The following PTPN20 variants were observed in gnomAD, a reference collection of about 807,000 sequenced individuals.
PTPN20 encodes the protein protein tyrosine phosphatase non-receptor type 20.
A neutral mutation model predicts 35.0 loss-of-function variants in PTPN20; 9 were observed. The ratio of observed to expected loss-of-function variants is 0.26; its 90% CI spans 0.15 to 0.45. The LOEUF (loss-of-function observed/expected upper bound fraction) is 0.45, where lower values mean the gene tolerates loss of function less well. Ranked by LOEUF, PTPN20 falls within the 20% of genes least tolerant of loss-of-function variation. The probability of loss-of-function intolerance (pLI) is 1.00; values close to 1 mark genes in which losing one functional copy is unlikely to be tolerated. For synonymous variants in PTPN20, 32 were observed against 100.2 expected, an observed-to-expected ratio of 0.32 and a Z score of 4.06; for missense variants, 111 against 312.5, an observed-to-expected ratio of 0.36 and a Z score of 4.86.
At position 46,946,643 on chromosome 10, in the gene PTPN20, G is replaced by T; in HGVS notation, c.308G>T (p.Gly103Val). 1 of 1,611,242 alleles carries T rather than the reference G, an allele frequency of 6.2e-7. No homozygotes were observed. The highest frequency in any genetic ancestry group is 8.5e-7 in the Non-Finnish European group (1 of 1,179,560). ...AGCAGTGAGGATGAGGAGGCTGCAG[G>T]GCCATCACAGGCTCTCTCCCCTCTA... is the stretch of plus-strand genomic sequence containing the variant. ...RWSSEDEEAA[G>V]PSQALSPLLS... Residue 103 changes from glycine to valine, a missense_variant, in exon 5 of 11, where the codon GGG (glycine) becomes GTG (valine). Transcript: ENST00000374339.
At chr10:46,982,778 CTTA>C (rs1458871664) in intron 7 of PTPN20, among the ~76,000 whole-genome samples, 2 of 151,604 alleles carry the variant, frequency 1.3e-5, no homozygotes, top group Non-Finnish European at 2.9e-5. Flanking sequence ...ACTTGCCAGG[CTTA>C]TTATTATTAT....
chr10:46,966,385 T>C (rs1316218236), intron 6 of PTPN20, among the ~76,000 whole-genome samples: 1 of 152,232 alleles, frequency 6.6e-6, no homozygotes, highest in African/African-American at 2.4e-5. Flanking sequence ...CAATCTTTGC[T>C]TTTGGGGCTT....
intron 7 of PTPN20, among the ~76,000 whole-genome samples, chr10:46,970,847 G>A (rs2051932297): frequency 1.1e-5 from 1 of 87,034 alleles, no homozygotes; most frequent in African/African-American, 8.9e-5. Flanking sequence ...AGACTTGGAA[G>A]TTAGCCTAGA....
chr10:46,947,232 A>G (rs1775132561), intron 5 of PTPN20, among the ~76,000 whole-genome samples: 1 of 132,138 alleles, frequency 7.6e-6, no homozygotes. Flanking sequence ...ATATATATAT[A>G]TATTTATAAA....
chr10:46,936,088 A>G (rs1334660872), intron 2 of PTPN20, among the ~76,000 whole-genome samples: 1 of 152,144 alleles, frequency 6.6e-6, no homozygotes, highest in Non-Finnish European at 1.5e-5. Flanking sequence ...CTTCTTGGCT[A>G]TGTGTATGTC....
chr10:46,992,131 T>C (rs919600169), intron 9 of PTPN20, among the ~76,000 whole-genome samples: 1 of 151,164 alleles, frequency 6.6e-6, no homozygotes, highest in African/African-American at 2.4e-5. Context: ...ATTTTTTTTT[T>C]TTTTTTTTTG....
At chr10:47,003,432 T>A (rs2060136093), downstream of PTPN20, among the ~76,000 whole-genome samples, 2 of 152,086 alleles carry the variant, frequency 1.3e-5, no homozygotes, top group South Asian at 4.1e-4. Flanking sequence ...AAGAAAATGA[T>A]CTTTTGTTCA....
chr10:46,940,930 G>C (rs1252112580), intron 3 of PTPN20, among the ~76,000 whole-genome samples: 10 of 151,942 alleles, frequency 6.6e-5, no homozygotes, highest in Admixed American at 4.6e-4. Flanking sequence ...TGCTACTCTG[G>C]AAATTTTACA....
chr10:46,960,470 TA>T (rs1379246582), intron 5 of PTPN20, among the ~76,000 whole-genome samples: 3,102 of 146,580 alleles, frequency 0.021, 35 homozygotes, highest in African/African-American at 0.032. Context: ...TTTCTTACAA[TA>T]TTTTTTTTAC....
intron 2 of PTPN20, 43 bp from the exon 3 acceptor site, chr10:46,940,580 A>G: frequency 1.2e-5 from 18 of 1,534,422 alleles, no homozygotes; most frequent in Non-Finnish European, 1.2e-5. Flanking sequence ...CCTTCTGTAT[A>G]GTGTTTTCTA....
intron 9 of PTPN20, among the ~76,000 whole-genome samples, chr10:46,994,158 G>C (rs1207192051): frequency 6.6e-6 from 1 of 151,678 alleles, no homozygotes; most frequent in African/African-American, 2.4e-5. Flanking sequence ...TTTCTGTTGA[G>C]AGTCAATTGT....
intron 9 of PTPN20, among the ~76,000 whole-genome samples, chr10:46,988,815 T>TCAA: frequency 6.6e-6 from 1 of 152,120 alleles, no homozygotes; most frequent in African/African-American, 2.4e-5. Context: ...CATAGAAGTC[T>TCAA]TTTACTTTTT....
At chr10:46,991,962 A>G (rs201168738) in intron 9 of PTPN20, among the ~76,000 whole-genome samples, 1 of 151,818 alleles carries the variant, frequency 6.6e-6, no homozygotes, top group Non-Finnish European at 1.5e-5. Context: ...AAATTTGCCT[A>G]TTGACTTCTC....
At chr10:46,975,579 TAGG>T (rs1364071217) in intron 7 of PTPN20, among the ~76,000 whole-genome samples, 2 of 151,992 alleles carry the variant, frequency 1.3e-5, no homozygotes, top group Non-Finnish European at 2.9e-5. Flanking sequence ...ACACTGCAAA[TAGG>T]AGAGAGATCT....
At chr10:46,940,477 A>G (rs1555133571) in intron 2 of PTPN20, 146 bp from the exon 3 acceptor site, 24 of 780,110 alleles carry the variant, frequency 3.1e-5, no homozygotes, top group South Asian at 2.0e-4. Flanking sequence ...GATGATTACC[A>G]TAGGAGATAA....
intron 4 of PTPN20, among the ~76,000 whole-genome samples, chr10:46,945,977 AC>A (rs1462266854): frequency 3.3e-5 from 2 of 59,974 alleles, no homozygotes; most frequent in South Asian, 7.1e-4. Flanking sequence ...GGTTAAGAAC[AC>A]GGAAGGAGGA....
chr10:46,997,608 T>A (rs2059351668), intron 9 of PTPN20, among the ~76,000 whole-genome samples: 3 of 146,460 alleles, frequency 2.0e-5, no homozygotes, highest in Non-Finnish European at 1.5e-5. Context: ...AAAGACCCAA[T>A]GAAGAGGATA....
intron 10 of PTPN20, 56 bp from the exon 11 acceptor site, chr10:47,000,620 G>A: frequency 6.3e-7 from 1 of 1,596,524 alleles, no homozygotes; most frequent in Non-Finnish European, 8.6e-7. Context: ...TTCTGAAAGT[G>A]GATTCTGTTA....
downstream of PTPN20, among the ~76,000 whole-genome samples, chr10:47,003,284 A>G (rs1220000001): frequency 1.5e-5 from 2 of 133,490 alleles, no homozygotes; most frequent in Non-Finnish European, 3.2e-5. Flanking sequence ...TCAAATTTGT[A>G]GGTGAAAAAC....
Sources: gnomAD v4.1 joint callset for allele counts (sites outside exome capture counted in the v4.1 genomes callset) on GRCh38, gnomAD v4.1.1 for gene constraint, MANE v1.5 for transcripts, NCBI Gene and HGNC (gene_info 2026-07-23, HGNC 2026-07-21) for gene names.